Variants in CAPN2 observed in about 807,000 individuals in gnomAD.
The protein encoded by CAPN2 is calpain-2 catalytic subunit.
In CAPN2, 92 loss-of-function variants were observed where a neutral mutation model predicts 102.3. The observed-to-expected ratio is 0.90, with a 90% CI of 0.76 to 1.07. The LOEUF (loss-of-function observed/expected upper bound fraction) is 1.07, where lower values mean the gene tolerates loss of function less well. Ranked by LOEUF, CAPN2 falls within the 50% of genes least tolerant of loss-of-function variation. The probability of loss-of-function intolerance (pLI) is 0.00; values close to 1 mark genes in which losing one functional copy is unlikely to be tolerated. For synonymous variants in CAPN2, 340 were observed against 355.4 expected (o/e 0.96, Z 0.49); for missense variants, 800 against 909.4 (o/e 0.88, Z 1.55).
chr1:223,761,498 C>G, intron 12 of CAPN2, 83 bp from the exon 13 acceptor site: 2 of 1,148,890 alleles, frequency 1.7e-6, no homozygotes, highest in Middle Eastern at 3.9e-4. Flanking sequence ...GGATTTAGCA[C>G]TGCACTTCCA....
chr1:223,749,104 G>C lies in CAPN2; in HGVS notation c.795G>C (p.Ser265=). ...AGCTGGTGAAGGGGCACGCGTACTC[G>C]GTCACCGGAGCCGAGGAGGTAACGG... ...FQKLVKGHAY[S]VTGAEEVESN... The change falls in exon 6 of 21, where the codon TCG becomes TCC. Residue 265 remains serine, a synonymous_variant. Transcript: ENST00000295006. 2 of 1,614,038 alleles carry C rather than the reference G, an allele frequency of 1.2e-6. No individual in the cohort carries two copies. Among genetic ancestry groups the C allele is most frequent in the Non-Finnish European group, 1.7e-6 (2 of 1,179,906 alleles).
chr1:223,732,692 C>T (rs1660364487), intron 2 of CAPN2, among the ~76,000 whole-genome samples: 1 of 152,232 alleles, frequency 6.6e-6, no homozygotes, highest in Admixed American at 6.5e-5. Context: ...CAGTAGGTCT[C>T]AGCCTCATTT....
upstream of CAPN2, among the ~76,000 whole-genome samples, chr1:223,711,356 A>G (rs1571776066): frequency 2.0e-5 from 3 of 152,154 alleles, no homozygotes; most frequent in African/African-American, 7.2e-5. Context: ...TGAGAATCAC[A>G]CCCTAGCTCC....
intron 8 of CAPN2, 97 bp from the exon 9 acceptor site, chr1:223,752,699 C>A: frequency 8.4e-7 from 1 of 1,190,130 alleles, no homozygotes; most frequent in Non-Finnish European, 1.2e-6. Flanking sequence ...GCTGCTCTGC[C>A]TGGCTTTGGG....
intron 3 of CAPN2, among the ~76,000 whole-genome samples, chr1:223,744,952 A>G (rs1235128160): frequency 3.6e-4 from 55 of 151,838 alleles, no homozygotes; most frequent in Admixed American, 3.6e-3. Flanking sequence ...GGCTGAGGCA[A>G]GAGAATCACT....
chr1:223,716,540 G>A (rs139460747), intron 1 of CAPN2, among the ~76,000 whole-genome samples: 3 of 152,130 alleles, frequency 2.0e-5, no homozygotes, highest in South Asian at 2.1e-4. Flanking sequence ...TGGTGCTTCC[G>A]GAAGAGCTCC....
At chr1:223,729,943 A>T (rs1320903436) in intron 2 of CAPN2, among the ~76,000 whole-genome samples, 1 of 142,830 alleles carries the variant, frequency 7.0e-6, no homozygotes, top group African/African-American at 2.6e-5. Flanking sequence ...TGAAGGTTGC[A>T]GTGAGCCAGG....
At chr1:223,702,425 T>TA (rs1011261530) in intron 1 of CAPN2, among the ~76,000 whole-genome samples, 4 of 144,648 alleles carry the variant, frequency 2.8e-5, no homozygotes, top group Non-Finnish European at 4.5e-5. Context: ...AGACCCTGTC[T>TA]AAAAAAACAA....
chr1:223,755,950 G>T lies in CAPN2; in HGVS notation c.1305+301G>T, dbSNP rs1419799767. Among the ~76,000 whole-genome samples the T allele has an allele frequency of 6.6e-6, 1 of 152,192 alleles. No homozygotes were observed. The stretch of plus-strand genomic sequence containing the variant: ...TCACATCCTCCAGGCCTGGCATTCT[G>T]GTCAGCCTACCCATCTTCAAAGAAC... On this transcript the variant is annotated intron_variant, in intron 10 of 20. Transcript: ENST00000295006. The surrounding 1 kb of genome is among the most constrained non-coding windows in gnomAD (Gnocchi z 4.1).
At chr1:223,751,561 C>G (rs1660898209) in intron 7 of CAPN2, among the ~76,000 whole-genome samples, 2 of 151,248 alleles carry the variant, frequency 1.3e-5, no homozygotes, top group Non-Finnish European at 3.0e-5. Flanking sequence ...CCCCTGTGTA[C>G]AGGGCCAGGT....
Position 223,742,496 on chromosome 1 carries a change from GTGTATA to G in CAPN2, c.308-1602_308-1597del, listed in dbSNP as rs1331315457. On this transcript the variant is annotated intron_variant, in intron 2 of 20. Coordinates refer to ENST00000295006, the MANE Select transcript of CAPN2 (RefSeq NM_001748.5). Reference sequence around the variant, plus strand: ...TATATTACATATTTTATATATATGTGTGTATATATATATATATATATATTTTTTTTT... The same window carrying G: ...TATATTACATATTTTATATATATGTGTATATATATATATATATTTTTTTTT... Among the ~76,000 whole-genome samples, 262 of 105,290 alleles carry G rather than the reference GTGTATA, an allele frequency of 2.5e-3. 3 individuals are homozygous for G. Among genetic ancestry groups the G allele is most frequent in the African/African-American group, 9.0e-3 (255 of 28,224 alleles). The allele number at this position is 105,290 out of a possible 152,430, so 69.1% of individuals were successfully genotyped here.
chr1:223,765,470 C>T (rs1473221353), intron 15 of CAPN2, among the ~76,000 whole-genome samples: 3 of 152,212 alleles, frequency 2.0e-5, no homozygotes, highest in Admixed American at 2.0e-4. Flanking sequence ...ATGCAGTCCT[C>T]ATGAGCTGAG....
In CAPN2 at chr1:223,737,477, G is replaced by A. The variant is rs557163996; in HGVS notation, c.308-6623G>A. ...CACCTTCCTTCTCTGCAGAGACACC[G>A]TCTGTCCCATGGATGAGCAGAGTCC... On this transcript the variant is annotated intron_variant, in intron 2 of 20. Coordinates refer to ENST00000295006, the MANE Select transcript of CAPN2 (RefSeq NM_001748.5). 3.3e-5 allele frequency among the ~76,000 whole-genome samples: 5 copies of A among 152,200 alleles called. No individual in the cohort carries two copies. The East Asian group carries it at 5.8e-4, about 18-fold the overall frequency.
At chr1:223,738,389 T>G (rs1249911055) in intron 2 of CAPN2, among the ~76,000 whole-genome samples, 1 of 152,180 alleles carries the variant, frequency 6.6e-6, no homozygotes, top group African/African-American at 2.4e-5. Flanking sequence ...AGGGTGGTCT[T>G]GAAATCCTGA....
At position 223,759,399 on chromosome 1, in the gene CAPN2, A is replaced by G. The variant is rs756656697; in HGVS notation, c.1447A>G (p.Ile483Val). ...NRFKLPPGEY[I>V]LVPSTFEPNK... ...CTTCAAGCTGCCGCCAGGAGAGTACATTCTCGTGCCTTCCACCTTCGAACC... is the reference window on the plus strand; with the variant it reads ...CTTCAAGCTGCCGCCAGGAGAGTACGTTCTCGTGCCTTCCACCTTCGAACC... Residue 483 changes from isoleucine (I) to valine (V), a missense_variant, in exon 12 of 21, where the codon ATT becomes GTT. Physicochemically the swap from Ile to Val is conservative, Grantham distance 29. Coordinates refer to ENST00000295006, the MANE Select transcript of CAPN2 (RefSeq NM_001748.5). The surrounding 1 kb of genome is among the most constrained non-coding windows in gnomAD (Gnocchi z 4.6). 3.1e-6 allele frequency: 5 copies of G among 1,614,192 alleles called. No individual in the cohort carries two copies. The highest frequency in any genetic ancestry group is 4.2e-6 in the Non-Finnish European group (5 of 1,180,038).
At chr1:223,770,090 G>C (rs1661432702) in intron 17 of CAPN2, 181 bp downstream of exon 17, 1 of 623,306 alleles carries the variant, frequency 1.6e-6, no homozygotes, top group African/African-American at 1.8e-5. Context: ...AACCAACCAG[G>C]ACTTCGCAGG....
chr1:223,740,290 ATAAAT>A (rs1260755520), intron 2 of CAPN2, among the ~76,000 whole-genome samples: 3 of 152,230 alleles, frequency 2.0e-5, no homozygotes, highest in Non-Finnish European at 1.5e-5. Context: ...GCACTTGAAC[ATAAAT>A]TTAATTTACT....
intron 2 of CAPN2, among the ~76,000 whole-genome samples, chr1:223,719,489 A>C (rs1659988928): frequency 1.3e-5 from 2 of 152,216 alleles, no homozygotes; most frequent in Non-Finnish European, 2.9e-5. Context: ...CAGTGAGTAG[A>C]GATGGCACCA....
At chr1:223,721,559 C>T (rs183079999) in intron 2 of CAPN2, among the ~76,000 whole-genome samples, 4 of 152,352 alleles carry the variant, frequency 2.6e-5, no homozygotes, top group Non-Finnish European at 4.4e-5. Flanking sequence ...TTCATTGTAA[C>T]CCAGCAAATG....
Sources: allele counts gnomAD v4.1 joint callset (sites outside exome capture counted in the v4.1 genomes callset), GRCh38; gene constraint gnomAD v4.1.1; non-coding constraint Gnocchi (gnomAD v3.1); transcripts MANE v1.5; gene names NCBI Gene and HGNC (gene_info 2026-07-23, HGNC 2026-07-21).